The following BEND2 variants were observed in gnomAD, a reference collection of about 807,000 sequenced individuals.
BEND2 encodes BEN domain-containing protein 2.
BEND2 carries 19 observed loss-of-function variants against 43.8 expected under a neutral mutation model. The ratio of observed to expected loss-of-function variants is 0.43; its 90% CI spans 0.30 to 0.64. The LOEUF (loss-of-function observed/expected upper bound fraction) is 0.64, where lower values mean the gene tolerates loss of function less well. Among genes scored for constraint, BEND2 ranks in the 30% least tolerant of loss-of-function variants. The pLI is 0.11. For missense variants in BEND2, 544 were observed against 574.0 expected (o/e 0.95, Z 0.53); for synonymous variants, 226 against 210.1 (o/e 1.08, Z -0.66).
At chrX:18,215,622 A>T (rs1447689218) in intron 2 of BEND2, among the ~76,000 whole-genome samples, 2 of 112,147 alleles carry the variant, frequency 1.8e-5, no homozygotes, top group African/African-American at 6.5e-5. Flanking sequence ...TTTTATTGAA[A>T]CACAGCCACA....
rs1329484002 is a variant in BEND2, at chrX:18,203,668, A to T, written c.740T>A (p.Val247Asp). Residue 247 changes from valine to aspartate, a missense_variant, in exon 5 of 14, where the codon GTC becomes GAC. Val to Asp is a radical substitution (Grantham distance 152). Around this residue, in one of 2 missense-constraint regions of BEND2, gnomAD observed 501 missense variants for 501.6 expected, o/e 1.00. Transcript: ENST00000380033. The stretch of plus-strand genomic sequence containing the variant: ...TGTAGTAGCATTGGCAAATGAGATG[A>T]CAGCATTGGTACTTTCAGCACCTCC... ...ISGGAESTNAVISFANATTAV... is the reference protein window; with the variant it reads ...ISGGAESTNADISFANATTAV... The T allele has an allele frequency of 1.7e-6, 2 of 1,210,156 alleles. No individual in the cohort carries two copies. Among genetic ancestry groups the T allele is most frequent in the Admixed American group, 4.4e-5 (2 of 45,776 alleles).
chrX:18,196,705 A>C (rs1164129201), intron 6 of BEND2, among the ~76,000 whole-genome samples: 3 of 110,255 alleles, frequency 2.7e-5, no homozygotes, highest in South Asian at 7.8e-4. Flanking sequence ...AAAAAAAAAA[A>C]AAAAAACCTA....
At chrX:18,202,134 A>G (rs1487888861) in intron 5 of BEND2, among the ~76,000 whole-genome samples, 194 bp from the exon 6 acceptor site, 1 of 112,108 alleles carries the variant, frequency 8.9e-6, no homozygotes, top group Non-Finnish European at 1.9e-5. Context: ...AAAGAAGATG[A>G]TGAAAGAAGG....
chrX:18,206,604 G>A (rs190484306), intron 4 of BEND2, among the ~76,000 whole-genome samples: 9 of 110,933 alleles, frequency 8.1e-5, no homozygotes, highest in Admixed American at 3.8e-4. Flanking sequence ...CTCTGAGTTC[G>A]GGGAGGGGAC....
chrX:18,192,221 T>C (rs1025288094), intron 7 of BEND2, among the ~76,000 whole-genome samples: 4 of 111,998 alleles, frequency 3.6e-5, no homozygotes, highest in African/African-American at 1.3e-4. Flanking sequence ...AAATAAAATA[T>C]TTCAAATATT....
chrX:18,177,260 T>A lies in BEND2; in HGVS notation c.1630+309A>T, dbSNP rs1418318871. Among the ~76,000 whole-genome samples, 6 of 14,023 alleles carry A rather than the reference T, an allele frequency of 4.3e-4. No homozygotes were observed. In the South Asian group the frequency reaches 0.021, roughly 50 times the overall value. The allele number at this position is 14,023 out of a possible 115,157, so 12.2% of individuals were successfully genotyped here. A position where few individuals can be genotyped will look rare whatever the true frequency, so the allele number is the denominator to read the frequency against. On this transcript the variant is annotated intron_variant, in intron 10 of 13. Coordinates refer to ENST00000380033, the MANE Select transcript of BEND2 (RefSeq NM_153346.5). The stretch of plus-strand genomic sequence containing the variant: ...CCTTCTGGCAGAGGGAGCTTTTTCC[T>A]TTTTTTTTTTTTTTTTTTGTAGCAA...
intron 8 of BEND2, among the ~76,000 whole-genome samples, chrX:18,190,310 A>C (rs1924722050): frequency 8.9e-6 from 1 of 112,032 alleles, no homozygotes; most frequent in East Asian, 2.8e-4. Flanking sequence ...TGTAATAGCC[A>C]AAAACAACAA....
intron 8 of BEND2, among the ~76,000 whole-genome samples, chrX:18,188,379 T>TA (rs753377684): frequency 3.6e-4 from 38 of 105,806 alleles, no homozygotes; most frequent in East Asian, 1.5e-3. Context: ...TAAAGTATAA[T>TA]AAAAAAAAAG....
At chrX:18,184,249 A>AGGCG (rs1924496504) in intron 8 of BEND2, among the ~76,000 whole-genome samples, 1 of 111,703 alleles carries the variant, frequency 9.0e-6, no homozygotes, top group African/African-American at 3.3e-5. Flanking sequence ...TGGGAGGCTG[A>AGGCG]GGCGGGCAGA....
chrX:18,201,904 C>T lies in BEND2; in HGVS notation c.944G>A (p.Ser315Asn). 1 of 1,208,746 alleles carries T rather than the reference C, an allele frequency of 8.3e-7. No individual in the cohort carries two copies. The highest frequency in any genetic ancestry group is 1.1e-6 in the Non-Finnish European group (1 of 894,516). The change falls in exon 6 of 14, where the codon AGC becomes AAC. Residue 315 changes from serine to asparagine, a missense_variant. Physicochemically the swap from Ser to Asn is conservative, Grantham distance 46. Coordinates refer to ENST00000380033, the MANE Select transcript of BEND2 (RefSeq NM_153346.5). ...PERPANSSKNSTETANYPTLM... is the reference protein window; with the variant it reads ...PERPANSSKNNTETANYPTLM... ...AGTTGGATAATTCGCTGTCTCAGTG[C>T]TGTTTTTACTGCTGTTTGCTGGTCT...
At chrX:18,178,241 ATCAG>A (rs1191441585) in intron 9 of BEND2, among the ~76,000 whole-genome samples, 1 of 112,082 alleles carries the variant, frequency 8.9e-6, no homozygotes, top group East Asian at 2.8e-4. Flanking sequence ...GCTAGCATTT[ATCAG>A]TAGTTCCTGT....
intron 9 of BEND2, among the ~76,000 whole-genome samples, chrX:18,180,008 C>G (rs186771970): frequency 9.9e-4 from 111 of 112,494 alleles, no homozygotes; most frequent in Non-Finnish European, 1.7e-3. Context: ...CAAACCCCAT[C>G]TCTACTAAAA....
intron 1 of BEND2, among the ~76,000 whole-genome samples, chrX:18,217,777 G>C (rs1925715505): frequency 9.0e-6 from 1 of 111,265 alleles, no homozygotes. Context: ...ATGGTATATT[G>C]CCAATAAGAA....
At chrX:18,219,164 G>C (rs1261259256) in intron 1 of BEND2, among the ~76,000 whole-genome samples, 1 of 112,084 alleles carries the variant, frequency 8.9e-6, no homozygotes, top group African/African-American at 3.2e-5. Context: ...CTTGCCACAG[G>C]CCGGACAAGT....
At chrX:18,210,801 T>TA (rs1008284269) in intron 4 of BEND2, among the ~76,000 whole-genome samples, 1 of 111,759 alleles carries the variant, frequency 8.9e-6, no homozygotes, top group African/African-American at 3.3e-5. Flanking sequence ...AAACAGACAG[T>TA]AAATAACCAT....
intron 7 of BEND2, among the ~76,000 whole-genome samples, chrX:18,193,329 A>AAAAAGAAAAGAAAAGAAAAGAAAAG (rs75007771): frequency 9.9e-6 from 1 of 100,636 alleles, no homozygotes; most frequent in Admixed American, 1.1e-4. Flanking sequence ...TCTGTCTCAC[A>AAAAAGAAAAGAAAAGAAAAGAAAAG]AAAAGAAAAG....
Position 18,174,345 on chromosome X carries a change from T to A in BEND2, c.1753-87A>T, listed in dbSNP as rs1924075850. 10 of 844,891 alleles carry A rather than the reference T, an allele frequency of 1.2e-5. No individual in the cohort carries two copies. The East Asian group carries it at 3.2e-4, about 27-fold the overall frequency. 69.6% of individuals were successfully genotyped at this position (844,891 alleles called of 1,213,427 possible). On this transcript the variant is annotated intron_variant, in intron 11 of 13. Transcript: ENST00000380033. ...TCTACCACCTACCAGGCCCACCAGG[T>A]TGCTAGGGAAGCAACTGACTCTTTA... is the stretch of plus-strand genomic sequence containing the variant.
At chrX:18,187,433 C>T (rs1305621705) in intron 8 of BEND2, among the ~76,000 whole-genome samples, 1 of 111,802 alleles carries the variant, frequency 8.9e-6, no homozygotes, top group Non-Finnish European at 1.9e-5. Context: ...GTCAATTCAG[C>T]AAAAGGATAT....
intron 8 of BEND2, 147 bp from the exon 9 acceptor site, chrX:18,180,797 T>G (rs1241680556): frequency 2.1e-6 from 1 of 471,001 alleles, no homozygotes; most frequent in Non-Finnish European, 3.5e-6. Context: ...TTCTTTCTTT[T>G]TTTTTTAGAC....
Sources: gnomAD v4.1 joint callset for allele counts (sites outside exome capture counted in the v4.1 genomes callset) on GRCh38, gnomAD v4.1.1 for gene constraint, gnomAD v4.1.1 regional missense constraint, MANE v1.5 for transcripts, NCBI Gene and HGNC (gene_info 2026-07-23, HGNC 2026-07-21) for gene names.